Variants in ZFPM2 observed in about 807,000 individuals in gnomAD.
ZFPM2 encodes the protein zinc finger protein, FOG family member 2.
In ZFPM2, 20 loss-of-function variants were observed where a neutral mutation model predicts 98.6. That is an observed-to-expected ratio of 0.20 (90% CI 0.14 to 0.29). The LOEUF (loss-of-function observed/expected upper bound fraction) is 0.29, where lower values mean the gene tolerates loss of function less well. Among genes scored for constraint, ZFPM2 ranks in the 10% least tolerant of loss-of-function variants. ZFPM2 has a pLI of 1.00. For synonymous variants in ZFPM2, 518 were observed against 502.7 expected (o/e 1.03, Z -0.41); for missense variants, 1,310 against 1,388.6 (o/e 0.94, Z 0.90).
intron 5 of ZFPM2, among the ~76,000 whole-genome samples, chr8:105,683,726 C>T (rs527864981): frequency 1.2e-4 from 18 of 152,256 alleles, no homozygotes; most frequent in African/African-American, 4.3e-4. Context: ...ATTACCCTCT[C>T]TAAGAAGCCG....
In ZFPM2 at chr8:105,802,740, C is replaced by T; in HGVS notation, c.2658C>T (p.Asp886=). The T allele has an allele frequency of 6.2e-7, 1 of 1,613,420 alleles. No individual in the cohort carries two copies. The highest frequency in any genetic ancestry group is 8.5e-7 in the Non-Finnish European group (1 of 1,179,734). ...FCPVTAHQRN[D]LGQLDGKVFP... is the part of the protein sequence containing the mutation. The stretch of plus-strand genomic sequence containing the variant: ...CGGTTACTGCACATCAGCGTAATGA[C>T]CTGGGTCAACTGGACGGCAAAGTGT... Residue 886 remains aspartate, a synonymous_variant, in exon 8 of 8, where the codon GAC becomes GAT. Transcript: ENST00000407775.
chr8:105,582,001 G>C (rs1325434125), intron 4 of ZFPM2, among the ~76,000 whole-genome samples: 1 of 152,212 alleles, frequency 6.6e-6, no homozygotes, highest in Non-Finnish European at 1.5e-5. Context: ...GTTAGGATCA[G>C]ACATTAGTTG....
intron 1 of ZFPM2, among the ~76,000 whole-genome samples, chr8:105,373,190 G>A (rs140891438): frequency 2.7e-4 from 41 of 152,230 alleles, no homozygotes; most frequent in African/African-American, 9.1e-4. Flanking sequence ...AGCATTAGAT[G>A]AAAGCAGAGG....
intron 5 of ZFPM2, among the ~76,000 whole-genome samples, chr8:105,680,890 G>A (rs1341182018): frequency 6.6e-6 from 1 of 151,372 alleles, no homozygotes; most frequent in East Asian, 1.9e-4. Flanking sequence ...TTGACTACAT[G>A]AAAAAAAATC....
intron 1 of ZFPM2, among the ~76,000 whole-genome samples, chr8:105,335,041 C>A (rs1350486092): frequency 6.6e-6 from 1 of 151,490 alleles, no homozygotes; most frequent in Non-Finnish European, 1.5e-5. Context: ...GCATAAATAC[C>A]CCCTGATAAT....
chr8:105,434,992 G>T (rs547878998), intron 2 of ZFPM2, among the ~76,000 whole-genome samples: 1 of 152,094 alleles, frequency 6.6e-6, no homozygotes, highest in Non-Finnish European at 1.5e-5. Flanking sequence ...TTTTTGCCTG[G>T]CGAGTGGAGC....
chr8:105,634,160 AAAAAT>A, intron 4 of ZFPM2, 81 bp from the exon 5 acceptor site: 2 of 1,000,944 alleles, frequency 2.0e-6, no homozygotes, highest in Non-Finnish European at 3.0e-6. Flanking sequence ...AGTTGTTTGT[AAAAAT>A]AAAATGATTA....
At chr8:105,485,951 G>C (rs1467121428) in intron 3 of ZFPM2, among the ~76,000 whole-genome samples, 1 of 152,112 alleles carries the variant, frequency 6.6e-6, no homozygotes, top group Non-Finnish European at 1.5e-5. Flanking sequence ...ATTTAGCTAA[G>C]CATGGCCCGA....
chr8:105,637,215 C>T (rs1816863186), intron 5 of ZFPM2, among the ~76,000 whole-genome samples: 1 of 152,120 alleles, frequency 6.6e-6, no homozygotes, highest in African/African-American at 2.4e-5. Context: ...CTTGACAGCT[C>T]CAAATTTTGT....
At chr8:105,751,612 T>A (rs2131053546) in intron 5 of ZFPM2, among the ~76,000 whole-genome samples, 1 of 152,176 alleles carries the variant, frequency 6.6e-6, no homozygotes, top group South Asian at 2.1e-4. Flanking sequence ...GCAAAATATG[T>A]TTTTCAATGT....
At chr8:105,726,397 A>G (rs1811805971) in intron 5 of ZFPM2, among the ~76,000 whole-genome samples, 1 of 151,812 alleles carries the variant, frequency 6.6e-6, no homozygotes. Context: ...ATCCAGATTC[A>G]TAATGATAAA....
intron 3 of ZFPM2, among the ~76,000 whole-genome samples, chr8:105,522,244 A>G (rs1034602849): frequency 6.6e-5 from 10 of 152,176 alleles, no homozygotes; most frequent in Non-Finnish European, 1.2e-4. Context: ...TTTCAAAAAT[A>G]TATGTTTTGG....
intron 1 of ZFPM2, among the ~76,000 whole-genome samples, chr8:105,394,776 T>G (rs1811188814): frequency 6.6e-6 from 1 of 152,172 alleles, no homozygotes; most frequent in Non-Finnish European, 1.5e-5. Context: ...GGCAATAAAA[T>G]AAATTAAAGG....
chr8:105,479,175 C>G (rs1301339047), intron 3 of ZFPM2, among the ~76,000 whole-genome samples: 1 of 152,128 alleles, frequency 6.6e-6, no homozygotes, highest in Non-Finnish European at 1.5e-5. Context: ...TGACCCAATG[C>G]TACGATATTC....
intron 4 of ZFPM2, among the ~76,000 whole-genome samples, chr8:105,591,206 T>A (rs1317025673): frequency 6.6e-6 from 1 of 151,896 alleles, no homozygotes; most frequent in African/African-American, 2.4e-5. Flanking sequence ...ATAAACTTTA[T>A]ATAATCATGA....
chr8:105,649,866 C>G (rs993607059), intron 5 of ZFPM2, among the ~76,000 whole-genome samples: 14 of 152,082 alleles, frequency 9.2e-5, no homozygotes, highest in African/African-American at 2.2e-4. Context: ...TCTCTGCCAG[C>G]CTTTGGTATC....
At chr8:105,664,321 TTGTGTGTGTGTGTGTGTG>T (rs148523592) in intron 5 of ZFPM2, among the ~76,000 whole-genome samples, 28 of 144,542 alleles carry the variant, frequency 1.9e-4, no homozygotes, top group African/African-American at 6.9e-4. Context: ...CATAAAATTC[TTGTGTGTGTGTGTGTGTG>T]TGTGTGTGTG....
At chr8:105,489,952 T>G (rs1396961651) in intron 3 of ZFPM2, among the ~76,000 whole-genome samples, 1 of 151,950 alleles carries the variant, frequency 6.6e-6, no homozygotes, top group Non-Finnish European at 1.5e-5. Flanking sequence ...AGATTATTTT[T>G]AAAAAATGAT....
chr8:105,381,520 C>T (rs73300178), intron 1 of ZFPM2, among the ~76,000 whole-genome samples: 12,718 of 152,024 alleles, frequency 0.084, 1,780 homozygotes, highest in African/African-American at 0.29. Context: ...CCCCAAAACA[C>T]CTAACACAAG....
Sources: allele counts gnomAD v4.1 joint callset (sites outside exome capture counted in the v4.1 genomes callset), GRCh38; gene constraint gnomAD v4.1.1; transcripts MANE v1.5; gene names NCBI Gene and HGNC (gene_info 2026-07-23, HGNC 2026-07-21).